The following SS18L2 variants were observed in gnomAD, a reference collection of about 807,000 sequenced individuals.
The protein encoded by SS18L2 is SS18-like protein 2.
Under a neutral mutation model 10.3 loss-of-function variants are expected in SS18L2, and 8 were observed. That is an observed-to-expected ratio of 0.78 (90% CI 0.46 to 1.41). The LOEUF is 1.41. Ranked by LOEUF, SS18L2 falls within the 40% of genes most tolerant of loss-of-function variation. SS18L2 has a pLI of 0.00. For synonymous variants in SS18L2, 41 were observed against 34.6 expected (o/e 1.19, Z -0.65); for missense variants, 100 against 96.2 (o/e 1.04, Z -0.17).
At chr3:42,591,757 C>T (rs919794631) in intron 2 of SS18L2, among the ~76,000 whole-genome samples, 156 bp downstream of exon 2, 17 of 152,152 alleles carry the variant, frequency 1.1e-4, no homozygotes, top group Non-Finnish European at 2.1e-4. Context: ...CCAACCTGCC[C>T]AAGACCATAC....
chr3:42,590,952 G>A lies in SS18L2; in HGVS notation c.55G>A (p.Glu19Lys), dbSNP rs1456247620. 1.8e-6 allele frequency: 2 copies of A among 1,110,248 alleles called. No homozygotes were observed. Among genetic ancestry groups the A allele is most frequent in the Non-Finnish European group, 2.5e-6 (2 of 793,168 alleles). The allele number at this position is 1,110,248 out of a possible 1,614,324, so 68.8% of individuals were successfully genotyped here. The change falls in exon 1 of 3, where the codon GAG becomes AAG. Residue 19 changes from glutamate to lysine, a missense_variant. By Grantham distance (56) the Glu-to-Lys change is moderately conservative. Coordinates refer to ENST00000011691, the MANE Select transcript of SS18L2 (RefSeq NM_001370300.1). ...WLRGKAEVNQ[E>K]TIQRLLEEND... is the part of the protein sequence containing the mutation. ...GAGGGGCAAGGCGGAAGTCAATCAA[G>A]AGACTATCCAGCGGGTGAGCATCCA...
upstream of SS18L2, among the ~76,000 whole-genome samples, chr3:42,588,039 C>G (rs372225487): frequency 8.5e-4 from 129 of 151,882 alleles, no homozygotes; most frequent in African/African-American, 3.0e-3. Flanking sequence ...CACCATTGCA[C>G]TCCAGCCTGG....
rs546708658 is a variant in SS18L2 at position 42,594,407 on chromosome 3, T to G, written c.147-15T>G. On this transcript the variant is annotated splice_polypyrimidine_tract_variant and intron_variant, in intron 2 of 2. Transcript: ENST00000011691. The stretch of plus-strand genomic sequence containing the variant: ...AAAACAAGCCTCTGATTTTTGCCTG[T>G]TTTTTTGCCCATAGGTACCAGCATG... The G allele has an allele frequency of 1.4e-5, 23 of 1,603,072 alleles. No homozygotes were observed. The South Asian group carries it at 2.3e-4, about 16-fold the overall frequency.
upstream of SS18L2, chr3:42,590,791 C>A: frequency 8.5e-7 from 1 of 1,179,414 alleles, no homozygotes; most frequent in African/African-American, 1.5e-5. Context: ...GACGTCCCTT[C>A]TGTACCCCGC....
chr3:42,595,706 G>GTA lies in SS18L2; in HGVS notation c.*1201_*1202dup, dbSNP rs1705008813. Among the ~76,000 whole-genome samples the GTA allele has an allele frequency of 6.6e-6, 1 of 152,210 alleles. No individual in the cohort carries two copies. Among genetic ancestry groups the GTA allele is most frequent in the Non-Finnish European group, 1.5e-5 (1 of 68,030 alleles). On this transcript the variant is annotated 3_prime_UTR_variant, in exon 3 of 3. Transcript: ENST00000011691. ...AGATGAGGCAAAGGGATTCTTGTAA[G>GTA]TATATCCAAAATTAGAAGCCCAGGT...
intron 2 of SS18L2, among the ~76,000 whole-genome samples, 164 bp downstream of exon 2, chr3:42,591,765 T>C (rs931117274): frequency 6.6e-6 from 1 of 152,212 alleles, no homozygotes; most frequent in African/African-American, 2.4e-5. Context: ...CCCAAGACCA[T>C]ACAACGAGTA....
chr3:42,585,392 C>T (rs1367288169), intron 1 of SS18L2, among the ~76,000 whole-genome samples: 1 of 152,184 alleles, frequency 6.6e-6, no homozygotes, highest in East Asian at 1.9e-4. Flanking sequence ...TTCAGTCCTC[C>T]ACTCCTAGGG....
Position 42,594,466 on chromosome 3 carries a change from T to C in SS18L2, c.191T>C (p.Ile64Thr), listed in dbSNP as rs1455717180. 1.2e-6 allele frequency: 2 copies of C among 1,614,074 alleles called. No homozygotes were observed. The highest frequency in any genetic ancestry group is 3.3e-5 in the Admixed American group (2 of 60,016). Reference sequence around the variant, plus strand: ...AGAAATCTCATTTATTTGGCTACCATTGCAGATGCCAGTCCAACCAGCACT... The same window carrying C: ...AGAAATCTCATTTATTTGGCTACCACTGCAGATGCCAGTCCAACCAGCACT... The part of the protein sequence containing the change: ...LHRNLIYLAT[I>T]ADASPTSTSK... Residue 64 changes from isoleucine to threonine, a missense_variant, in exon 3 of 3, where the codon ATT becomes ACT. Ile to Thr is a moderately conservative substitution (Grantham distance 89). Transcript: ENST00000011691.
intron 2 of SS18L2, among the ~76,000 whole-genome samples, 175 bp downstream of exon 2, chr3:42,591,776 C>A (rs1371731511): frequency 2.0e-5 from 3 of 152,168 alleles, no homozygotes; most frequent in Non-Finnish European, 4.4e-5. Flanking sequence ...ACAACGAGTA[C>A]ACTGCGGAGC....
At chr3:42,591,112 C>T (rs1204817102) in intron 1 of SS18L2, 146 bp downstream of exon 1, 3 of 925,792 alleles carry the variant, frequency 3.2e-6, no homozygotes, top group Non-Finnish European at 5.0e-6. Context: ...GAGATGGGCA[C>T]GAAATCAGCA....
intron 2 of SS18L2, 133 bp downstream of exon 2, chr3:42,591,734 C>A: frequency 1.4e-6 from 1 of 696,718 alleles, no homozygotes. Flanking sequence ...GAAAGAGAGG[C>A]TCAAAGAGTT....
intron 2 of SS18L2, among the ~76,000 whole-genome samples, chr3:42,592,025 CCGTCAGTCTGTTAGTG>C (rs756253618): frequency 6.6e-6 from 1 of 152,092 alleles, no homozygotes; most frequent in Non-Finnish European, 1.5e-5. Context: ...TTCTAACTTC[CCGTCAGTCTGTTAGTG>C]ACACACACAC....
At chr3:42,589,804 G>C (rs180976654), upstream of SS18L2, among the ~76,000 whole-genome samples, 11 of 152,284 alleles carry the variant, frequency 7.2e-5, no homozygotes, top group East Asian at 2.1e-3. Flanking sequence ...CCAATTCCTG[G>C]TGCCAAAAAG....
Position 42,591,506 on chromosome 3 carries a change from T to C in SS18L2, c.70-19T>C, listed in dbSNP as rs745537618. 9 of 1,607,936 alleles carry C rather than the reference T, an allele frequency of 5.6e-6. No individual in the cohort carries two copies. The East Asian group carries it at 1.3e-4, about 24-fold the overall frequency. ...CTGCGCCCGGCCTGCACTGACCCTT[T>C]CTTTCTCTGATCTTTCAGCTCCTTG... On this transcript the variant is annotated intron_variant, in intron 1 of 2. Coordinates refer to ENST00000011691, the MANE Select transcript of SS18L2 (RefSeq NM_001370300.1).
rs751815338 is a variant in SS18L2 at position 42,590,985 on chromosome 3, G to A, written c.69+19G>A. On this transcript the variant is annotated intron_variant, in intron 1 of 2. Transcript: ENST00000011691. Reference sequence around the variant, plus strand: ...CCAGCGGGTGAGCATCCACGCGGGCGGGCGGGCGGGCGGAGAGAAGTCGGG... The same window carrying A: ...CCAGCGGGTGAGCATCCACGCGGGCAGGCGGGCGGGCGGAGAGAAGTCGGG... The A allele has an allele frequency of 7.8e-6, 12 of 1,545,156 alleles. No homozygotes were observed. The highest frequency in any genetic ancestry group is 2.4e-5 in the East Asian group (1 of 41,314).
At chr3:42,589,691 G>A (rs959082244), upstream of SS18L2, among the ~76,000 whole-genome samples, 1 of 152,170 alleles carries the variant, frequency 6.6e-6, no homozygotes, top group Non-Finnish European at 1.5e-5. Flanking sequence ...TAGGTTGCGC[G>A]CTCCTAATGA....
chr3:42,590,816 C>T, upstream of SS18L2: 2 of 1,401,212 alleles, frequency 1.4e-6, no homozygotes, highest in South Asian at 1.2e-5. Context: ...TAGGCGGGAG[C>T]ATCCAATCAA....
intron 1 of SS18L2, chr3:42,582,158 G>C (rs1704425160): frequency 6.6e-6 from 1 of 152,248 alleles, no homozygotes; most frequent in African/African-American, 2.4e-5. Flanking sequence ...GGGGGCGCGC[G>C]CCTCCCAACT....
At chr3:42,590,991 G>T in intron 1 of SS18L2, 25 bp downstream of exon 1, 5 of 957,860 alleles carry the variant, frequency 5.2e-6, no homozygotes, top group East Asian at 2.8e-5. Context: ...GGGCGGGCGG[G>T]CGGGCGGAGA....
Sources: gnomAD v4.1 joint callset for allele counts (sites outside exome capture counted in the v4.1 genomes callset) on GRCh38, gnomAD v4.1.1 for gene constraint, MANE v1.5 for transcripts, NCBI Gene and HGNC (gene_info 2026-07-23, HGNC 2026-07-21) for gene names.